DAB1: variants seen among roughly 807,000 people sequenced by gnomAD.
The protein encoded by DAB1 is DAB adaptor protein 1.
Under a neutral mutation model 64.6 loss-of-function variants are expected in DAB1, and 15 were observed. The ratio of observed to expected loss-of-function variants is 0.23; its 90% confidence interval spans 0.16 to 0.36. The LOEUF is 0.36. Ranked by LOEUF, DAB1 falls within the 10% of genes least tolerant of loss-of-function variation. DAB1 has a pLI of 1.00. For synonymous variants in DAB1, 235 were observed against 251.9 expected (o/e 0.93, Z 0.64); for missense variants, 596 against 706.7 (o/e 0.84, Z 1.78).
intron 6 of DAB1, among the ~76,000 whole-genome samples, chr1:57,781,813 A>G (rs1650116314): frequency 6.6e-6 from 1 of 152,092 alleles, no homozygotes; most frequent in Non-Finnish European, 1.5e-5. Context: ...GGTACCTTGA[A>G]GACAGTAAAA....
At chr1:58,253,122 C>G (rs1169261879) in intron 4 of DAB1, among the ~76,000 whole-genome samples, 1 of 152,124 alleles carries the variant, frequency 6.6e-6, no homozygotes, top group East Asian at 1.9e-4. Context: ...GACTTCGAAC[C>G]TCTCCTGTCA....
In DAB1 at chr1:58,172,008, G is replaced by C. The variant is rs377722535; in HGVS notation, n.310-21420C>G. On this transcript the variant is annotated intron_variant and non_coding_transcript_variant, in intron 4 of 20. Coordinates refer to the DAB1 transcript ENST00000485760. ...CCTAAGACATTAAAACAGGTGCAGGGGTTCCTTGGAATCACTGGCTTTTGC... is the reference window on the plus strand; with the variant it reads ...CCTAAGACATTAAAACAGGTGCAGGCGTTCCTTGGAATCACTGGCTTTTGC... 2.0e-5 allele frequency among the ~76,000 whole-genome samples: 3 copies of C among 152,268 alleles called. No homozygotes were observed. The East Asian group carries it at 5.8e-4, about 29-fold the overall frequency.
In DAB1 at chr1:57,325,644, T is replaced by C. The variant is rs190535083; in HGVS notation, c.-136-34478A>G. On this transcript the variant is annotated intron_variant, in intron 1 of 14. Transcript: ENST00000371236. ...CCTGAAGGATGCAGACTGTGTCTTT[T>C]TTATCACTTCTCCTCCTCCAGCTCT... Among the ~76,000 whole-genome samples, 856 of 152,316 alleles carry C rather than the reference T, an allele frequency of 5.6e-3. 5 individuals carry two copies. The highest frequency in any genetic ancestry group is 9.4e-3 in the Non-Finnish European group (640 of 68,016).
chr1:57,325,955 A>G (rs1676113428), intron 1 of DAB1, among the ~76,000 whole-genome samples: 1 of 152,154 alleles, frequency 6.6e-6, no homozygotes, highest in South Asian at 2.1e-4. Context: ...AATGAATTCG[A>G]CTAAGTAATT....
At chr1:58,488,799 C>G (rs1385068639) in intron 3 of DAB1, among the ~76,000 whole-genome samples, 1 of 152,224 alleles carries the variant, frequency 6.6e-6, no homozygotes, top group Non-Finnish European at 1.5e-5. Context: ...TTCCCCTGAG[C>G]CCCCAAAGTC....
chr1:57,672,848 A>G (rs184470305), intron 6 of DAB1, among the ~76,000 whole-genome samples: 1 of 152,118 alleles, frequency 6.6e-6, no homozygotes, highest in Non-Finnish European at 1.5e-5. Context: ...CATGGACCAC[A>G]TCTATATCTC....
chr1:57,807,926 C>T (rs997110276), intron 6 of DAB1, among the ~76,000 whole-genome samples: 4 of 152,104 alleles, frequency 2.6e-5, no homozygotes, highest in African/African-American at 7.2e-5. Context: ...ATTTTCTTTT[C>T]TCTAGCTTTA....
At chr1:57,135,867 T>A (rs1202497059) in intron 4 of DAB1, among the ~76,000 whole-genome samples, 1 of 152,128 alleles carries the variant, frequency 6.6e-6, no homozygotes, top group Non-Finnish European at 1.5e-5. Flanking sequence ...GAAAAAGACA[T>A]CTATTTGACT....
intron 7 of DAB1, among the ~76,000 whole-genome samples, chr1:57,566,432 G>A (rs1040262930): frequency 6.6e-6 from 1 of 152,120 alleles, no homozygotes; most frequent in Non-Finnish European, 1.5e-5. Context: ...GATCAGGGCA[G>A]AACTGAAGAT....
intron 7 of DAB1, among the ~76,000 whole-genome samples, chr1:57,559,400 G>A (rs1645026038): frequency 6.6e-6 from 1 of 152,216 alleles, no homozygotes; most frequent in South Asian, 2.1e-4. Flanking sequence ...ACCCCACTAT[G>A]CTACTGACAA....
chr1:57,288,743 G>A (rs934207456), intron 2 of DAB1, among the ~76,000 whole-genome samples: 15 of 152,048 alleles, frequency 9.9e-5, no homozygotes, highest in Non-Finnish European at 4.4e-5. Context: ...GAAAAGAGTG[G>A]AGAGGAGGGA....
At chr1:58,028,301 T>G (rs1646924033) in intron 5 of DAB1, among the ~76,000 whole-genome samples, 1 of 152,248 alleles carries the variant, frequency 6.6e-6, no homozygotes, top group African/African-American at 2.4e-5. Context: ...TTTATGTGTT[T>G]CTGTTTAAAG....
intron 5 of DAB1, among the ~76,000 whole-genome samples, chr1:58,122,711 T>A (rs1219231813): frequency 6.6e-6 from 1 of 152,176 alleles, no homozygotes; most frequent in Non-Finnish European, 1.5e-5. Flanking sequence ...CTTGAAAAAG[T>A]CACATAACCT....
At position 57,589,169 on chromosome 1, in the gene DAB1, G is replaced by A. The variant is rs371034267; in HGVS notation, n.625+60423C>T. On this transcript the variant is annotated intron_variant and non_coding_transcript_variant, in intron 7 of 20. Coordinates refer to the DAB1 transcript ENST00000485760. ...GGGGGTGTGGAGGTTGCAGTGAGCC[G>A]AGATCATGCCATTGCACTCCAGCCT... 7.9e-5 allele frequency among the ~76,000 whole-genome samples: 12 copies of A among 152,146 alleles called. No homozygotes were observed. The South Asian group carries it at 1.5e-3, about 18-fold the overall frequency.
intron 7 of DAB1, among the ~76,000 whole-genome samples, chr1:57,463,989 T>C (rs1244589082): frequency 1.3e-5 from 2 of 152,182 alleles, no homozygotes; most frequent in African/African-American, 4.8e-5. Flanking sequence ...AAAGAGGGCC[T>C]GGTGTATGAA....
intron 3 of DAB1, among the ~76,000 whole-genome samples, chr1:57,137,793 G>GT (rs1235288583): frequency 5.9e-5 from 9 of 152,154 alleles, no homozygotes; most frequent in African/African-American, 2.2e-4. Flanking sequence ...TCAGTTTTGG[G>GT]GAATGGTTGG....
intron 6 of DAB1, among the ~76,000 whole-genome samples, chr1:57,785,650 G>A (rs760563590): frequency 1.3e-5 from 2 of 152,160 alleles, no homozygotes; most frequent in African/African-American, 4.8e-5. Context: ...AGATGTGACT[G>A]AATTTCTGTA....
chr1:57,457,307 T>A (rs557104667), intron 7 of DAB1, among the ~76,000 whole-genome samples: 13 of 152,268 alleles, frequency 8.5e-5, no homozygotes, highest in African/African-American at 3.1e-4. Flanking sequence ...GTTAGAGAAA[T>A]CTGACCAGCA....
rs142732655 is a variant in DAB1, at chr1:58,475,190, C to G, written n.257+30870G>C. On this transcript the variant is annotated intron_variant and non_coding_transcript_variant, in intron 3 of 20. Coordinates refer to the DAB1 transcript ENST00000485760. ...AGTAGTATTGAAACTGAGTCTTGCT[C>G]TGTCACTCAGGCTGGAGTGCAGTGG... is the stretch of plus-strand genomic sequence containing the variant. Among the ~76,000 whole-genome samples the G allele has an allele frequency of 5.3e-5, 8 of 152,288 alleles. No homozygotes were observed. In the East Asian group the frequency reaches 1.5e-3, roughly 29 times the overall value.
Sources: gnomAD v4.1 joint callset for allele counts (sites outside exome capture counted in the v4.1 genomes callset) on GRCh38, gnomAD v4.1.1 for gene constraint, MANE v1.5 for transcripts, NCBI Gene and HGNC (gene_info 2026-07-23, HGNC 2026-07-21) for gene names.